Variants in ATF6 observed in about 807,000 individuals in gnomAD.
The protein encoded by ATF6 is cyclic AMP-dependent transcription factor ATF-6 alpha.
ATF6 carries 53 observed loss-of-function variants against 83.6 expected under a neutral mutation model. The observed-to-expected ratio is 0.63, with a 90% CI of 0.51 to 0.80. The LOEUF is 0.80. Among genes scored for constraint, ATF6 ranks in the 30% least tolerant of loss-of-function variants. The pLI is 0.00. For synonymous variants in ATF6, 288 were observed against 285.8 expected (o/e 1.01, Z -0.08); for missense variants, 744 against 797.9 (o/e 0.93, Z 0.81).
intron 7 of ATF6, 127 bp downstream of exon 7, chr1:161,802,399 G>A: frequency 1.3e-6 from 1 of 780,692 alleles, no homozygotes; most frequent in Non-Finnish European, 2.0e-6. Flanking sequence ...ATAAAAGAGT[G>A]TGCTGAATTG....
chr1:161,826,068 A>G (rs1685888755), intron 9 of ATF6, among the ~76,000 whole-genome samples: 1 of 152,224 alleles, frequency 6.6e-6, no homozygotes, highest in Non-Finnish European at 1.5e-5. Flanking sequence ...ATTTCTTATT[A>G]TATCGCAAAT....
chr1:161,882,486 A>C (rs572067758), intron 14 of ATF6, among the ~76,000 whole-genome samples: 1 of 152,214 alleles, frequency 6.6e-6, no homozygotes, highest in South Asian at 2.1e-4. Context: ...CTTCAGAATC[A>C]GACTCTAGAG....
At chr1:161,794,754 C>T (rs12090101) in intron 6 of ATF6, among the ~76,000 whole-genome samples, 1 of 152,198 alleles carries the variant, frequency 6.6e-6, no homozygotes, top group Non-Finnish European at 1.5e-5. Context: ...CCAGCAACAA[C>T]TTATGCCTAC....
chr1:161,840,169 A>G (rs1257175317), intron 9 of ATF6: 4 of 152,180 alleles, frequency 2.6e-5, no homozygotes, highest in African/African-American at 4.8e-5. Context: ...ACCTTGTGAA[A>G]TATTTGTTAT....
At chr1:161,876,713 G>A (rs1336313457) in intron 14 of ATF6, among the ~76,000 whole-genome samples, 1 of 151,966 alleles carries the variant, frequency 6.6e-6, no homozygotes, top group Non-Finnish European at 1.5e-5. Flanking sequence ...TTCAATGTAT[G>A]GTCATTTTTT....
chr1:161,834,652 C>T (rs1199196627), intron 9 of ATF6, among the ~76,000 whole-genome samples: 1 of 150,050 alleles, frequency 6.7e-6, no homozygotes, highest in African/African-American at 2.4e-5. Context: ...GGAGGGATAG[C>T]ATTAGGAGAT....
chr1:161,907,967 A>G (rs1004808714), intron 14 of ATF6, among the ~76,000 whole-genome samples: 1 of 152,192 alleles, frequency 6.6e-6, no homozygotes, highest in Non-Finnish European at 1.5e-5. Flanking sequence ...TATGATTTTT[A>G]TGGTTGCTTT....
At chr1:161,949,322 A>T (rs770044964) in intron 15 of ATF6, among the ~76,000 whole-genome samples, 2 of 152,172 alleles carry the variant, frequency 1.3e-5, no homozygotes, top group Non-Finnish European at 2.9e-5. Context: ...ACCTGTCCAT[A>T]GGGAACTGAT....
At chr1:161,780,692 C>G (rs1052825996) in intron 2 of ATF6, among the ~76,000 whole-genome samples, 3 of 151,660 alleles carry the variant, frequency 2.0e-5, no homozygotes, top group African/African-American at 7.3e-5. Flanking sequence ...TTTATTGTTG[C>G]TGTTTTTGTT....
At chr1:161,956,571 G>C (rs1156902383) in intron 15 of ATF6, among the ~76,000 whole-genome samples, 1 of 152,204 alleles carries the variant, frequency 6.6e-6, no homozygotes, top group African/African-American at 2.4e-5. Context: ...TGTGAAATTG[G>C]AGTTAAGCTT....
At chr1:161,842,604 T>C (rs1042712400) in intron 9 of ATF6, among the ~76,000 whole-genome samples, 4 of 152,080 alleles carry the variant, frequency 2.6e-5, no homozygotes. Flanking sequence ...GTGAAGTAAC[T>C]CAGGAATGGA....
chr1:161,850,494 C>T (rs1686594895), intron 10 of ATF6, among the ~76,000 whole-genome samples: 1 of 152,132 alleles, frequency 6.6e-6, no homozygotes, highest in Admixed American at 6.5e-5. Context: ...ATTGCTTTTC[C>T]ATTTCAACCA....
chr1:161,830,557 G>C (rs995124507), intron 9 of ATF6, among the ~76,000 whole-genome samples: 4 of 152,098 alleles, frequency 2.6e-5, no homozygotes, highest in African/African-American at 9.7e-5. Context: ...ATACTACAAG[G>C]CTACAGTAAC....
chr1:161,920,294 C>CTCTTTTTTTTTT lies in ATF6; in HGVS notation c.1804+7915_1804+7916insCTTTTTTTTTTT, dbSNP rs1157916734. ...TAGTTCTCTTTCTCTCTCTCTCTCTCTTTTTTTTTTTTTTTTTTGAGACAG... is the reference window on the plus strand; with the variant it reads ...TAGTTCTCTTTCTCTCTCTCTCTCTCTCTTTTTTTTTTTTTTTTTTTTTTTTTTTTGAGACAG... On this transcript the variant is annotated intron_variant, in intron 15 of 15. Transcript: ENST00000367942. 8.8e-3 allele frequency among the ~76,000 whole-genome samples: 484 copies of CTCTTTTTTTTTT among 54,856 alleles called. 25 individuals are homozygous for CTCTTTTTTTTTT. The highest frequency in any genetic ancestry group is 0.013 in the African/African-American group (175 of 13,480). The allele number at this position is 54,856 out of a possible 152,430, so 36.0% of individuals were successfully genotyped here.
chr1:161,929,979 C>G (rs368942170), intron 15 of ATF6, among the ~76,000 whole-genome samples: 15 of 152,214 alleles, frequency 9.9e-5, no homozygotes, highest in African/African-American at 3.4e-4. Context: ...TCTTACCCTG[C>G]GCAGCCCTTA....
chr1:161,904,889 G>A (rs1489606612), intron 14 of ATF6, among the ~76,000 whole-genome samples: 1 of 152,178 alleles, frequency 6.6e-6, no homozygotes, highest in Non-Finnish European at 1.5e-5. Context: ...GAGAAAATTT[G>A]TTCACTGATG....
intron 6 of ATF6, among the ~76,000 whole-genome samples, chr1:161,798,047 A>G (rs1685061859): frequency 6.6e-6 from 1 of 152,174 alleles, no homozygotes; most frequent in African/African-American, 2.4e-5. Context: ...TTTAACAAAA[A>G]CAAACAGTGG....
At chr1:161,918,502 T>C (rs1688144383) in intron 15 of ATF6, among the ~76,000 whole-genome samples, 1 of 152,198 alleles carries the variant, frequency 6.6e-6, no homozygotes, top group Non-Finnish European at 1.5e-5. Flanking sequence ...TTCTTTGGCT[T>C]ATTAGACTTA....
At chr1:161,768,870 A>AT (rs1002387212) in intron 1 of ATF6, among the ~76,000 whole-genome samples, 66 of 151,444 alleles carry the variant, frequency 4.4e-4, no homozygotes, top group Middle Eastern at 3.4e-3. Flanking sequence ...TCTAGCCTTG[A>AT]TTTTTTTTTA....
Sources: allele counts gnomAD v4.1 joint callset (sites outside exome capture counted in the v4.1 genomes callset), GRCh38; gene constraint gnomAD v4.1.1; transcripts MANE v1.5; gene names NCBI Gene and HGNC (gene_info 2026-07-23, HGNC 2026-07-21).